The following CCSER1 variants were observed in gnomAD, a reference collection of about 807,000 sequenced individuals.
The protein encoded by CCSER1 is coiled-coil serine rich protein 1.
A neutral mutation model predicts 82.0 loss-of-function variants in CCSER1; 41 were observed. The ratio of observed to expected loss-of-function variants is 0.50; its 90% CI spans 0.39 to 0.65. The LOEUF (loss-of-function observed/expected upper bound fraction) is 0.65, where lower values mean the gene tolerates loss of function less well. Ranked by LOEUF, CCSER1 falls within the 30% of genes least tolerant of loss-of-function variation. CCSER1 has a pLI of 0.00. For missense variants in CCSER1, 1,119 were observed against 1,064.2 expected, an observed-to-expected ratio of 1.05 and a Z score of -0.72; for synonymous variants, 414 against 383.9, an observed-to-expected ratio of 1.08 and a Z score of -0.92.
chr4:90,529,473 G>A (rs1023091621), intron 5 of CCSER1, among the ~76,000 whole-genome samples: 6 of 152,052 alleles, frequency 3.9e-5, no homozygotes, highest in Non-Finnish European at 7.4e-5. Flanking sequence ...CAAGTGATCT[G>A]CCTGCCTTGG....
At chr4:90,646,810 A>G (rs1214922138) in intron 6 of CCSER1, among the ~76,000 whole-genome samples, 1 of 152,080 alleles carries the variant, frequency 6.6e-6, no homozygotes, top group African/African-American at 2.4e-5. Flanking sequence ...GATATTCTAT[A>G]TCTTCTTACT....
intron 1 of CCSER1, among the ~76,000 whole-genome samples, chr4:90,233,573 T>C (rs1275683297): frequency 1.3e-5 from 2 of 151,694 alleles, no homozygotes; most frequent in Non-Finnish European, 2.9e-5. Flanking sequence ...TGTATACATA[T>C]GTAACTAACC....
intron 5 of CCSER1, among the ~76,000 whole-genome samples, chr4:90,589,586 T>A (rs750687380): frequency 3.9e-5 from 6 of 152,170 alleles, no homozygotes; most frequent in Non-Finnish European, 8.8e-5. Context: ...TACATATTAC[T>A]ATTTTGTAAT....
chr4:90,227,858 G>A (rs1429858252), intron 1 of CCSER1, among the ~76,000 whole-genome samples: 6 of 152,218 alleles, frequency 3.9e-5, no homozygotes, highest in African/African-American at 1.4e-4. Flanking sequence ...AGAAAGGGGT[G>A]ACAGATGGCA....
At chr4:90,382,451 A>C (rs1456895472) in intron 3 of CCSER1, among the ~76,000 whole-genome samples, 1 of 152,106 alleles carries the variant, frequency 6.6e-6, no homozygotes, top group African/African-American at 2.4e-5. Context: ...ATTCCTCTTG[A>C]TAATAAAATA....
chr4:91,377,738 A>G (rs904883478), intron 10 of CCSER1, among the ~76,000 whole-genome samples: 1 of 152,096 alleles, frequency 6.6e-6, no homozygotes, highest in African/African-American at 2.4e-5. Context: ...TGCTGTGCAG[A>G]AGCTCTTTAG....
At position 90,984,225 on chromosome 4, in the gene CCSER1, G is replaced by C. The variant is rs532475248; in HGVS notation, c.2172+60778G>C. On this transcript the variant is annotated intron_variant, in intron 9 of 10. Transcript: ENST00000509176. ...TCCTTAAAGGTGCGTTGTTGAGAAA[G>C]TGCAATGTACCGAGTACTGTGTTAA... is the stretch of plus-strand genomic sequence containing the variant. Among the ~76,000 whole-genome samples, 84 of 151,910 alleles carry C rather than the reference G, an allele frequency of 5.5e-4. No individual in the cohort carries two copies. The South Asian group carries it at 0.017, about 30-fold the overall frequency.
At chr4:91,458,579 G>T (rs1466380196) in intron 10 of CCSER1, among the ~76,000 whole-genome samples, 1 of 152,076 alleles carries the variant, frequency 6.6e-6, no homozygotes, top group African/African-American at 2.4e-5. Context: ...ATTTTGATAA[G>T]AGTTGTACTG....
At chr4:91,067,154 A>G (rs997503132) in intron 9 of CCSER1, among the ~76,000 whole-genome samples, 4 of 150,826 alleles carry the variant, frequency 2.7e-5, no homozygotes, top group Non-Finnish European at 5.9e-5. Context: ...ACAGAGCCAG[A>G]CAACGTCTCA....
At chr4:91,205,349 A>G (rs543932507) in intron 10 of CCSER1, among the ~76,000 whole-genome samples, 2 of 151,950 alleles carry the variant, frequency 1.3e-5, no homozygotes, top group African/African-American at 4.8e-5. Context: ...AATAAGTATC[A>G]GTTTCTTTGA....
At chr4:90,609,911 T>A (rs1283231057) in intron 5 of CCSER1, among the ~76,000 whole-genome samples, 1 of 152,168 alleles carries the variant, frequency 6.6e-6, no homozygotes, top group African/African-American at 2.4e-5. Flanking sequence ...ATTACTGTAA[T>A]TTGGATTACA....
chr4:90,703,614 C>T (rs1460271083), intron 6 of CCSER1, among the ~76,000 whole-genome samples: 1 of 152,118 alleles, frequency 6.6e-6, no homozygotes, highest in East Asian at 1.9e-4. Flanking sequence ...GTCTAAGTCT[C>T]TTTGTAGGTC....
At position 91,327,357 on chromosome 4, in the gene CCSER1, C is replaced by A. The variant is rs529204267; in HGVS notation, c.2217+241363C>A. Reference sequence around the variant, plus strand: ...AAGCCACCAAGGCTTGGGGCTTACACCCTTTCAAGCAATGGTTGGAGCTGC... The same window carrying A: ...AAGCCACCAAGGCTTGGGGCTTACAACCTTTCAAGCAATGGTTGGAGCTGC... On this transcript the variant is annotated intron_variant, in intron 10 of 10. Coordinates refer to ENST00000509176, the MANE Select transcript of CCSER1 (RefSeq NM_001145065.2). Among the ~76,000 whole-genome samples, 3 of 152,328 alleles carry A rather than the reference C, an allele frequency of 2.0e-5. No homozygotes were observed. In the South Asian group the frequency reaches 6.2e-4, roughly 32 times the overall value.
intron 9 of CCSER1, among the ~76,000 whole-genome samples, chr4:90,939,707 T>C (rs1731370515): frequency 6.6e-6 from 1 of 152,144 alleles, no homozygotes; most frequent in Non-Finnish European, 1.5e-5. Context: ...ATAAAATTAA[T>C]TAAATTATTT....
chr4:91,446,672 A>ATATATATATATATAT (rs1553938715), intron 10 of CCSER1, among the ~76,000 whole-genome samples: 12 of 72,512 alleles, frequency 1.7e-4, no homozygotes, highest in Middle Eastern at 4.9e-3. Flanking sequence ...ATTTTAAATA[A>ATATATATATATATAT]ATAAATATAT....
rs1468261543 is a variant in CCSER1, at chr4:90,361,102, ATGT to A, written c.1510-38929_1510-38927del. On this transcript the variant is annotated intron_variant, in intron 3 of 10. Transcript: ENST00000509176. The stretch of plus-strand genomic sequence containing the variant: ...GTCTAATTTTCTCAAAATGAATCAA[ATGT>A]TGTTTTCCTAAGAAATGACAATCTA... Among the ~76,000 whole-genome samples, 4 of 152,232 alleles carry A rather than the reference ATGT, an allele frequency of 2.6e-5. No homozygotes were observed. In the East Asian group the frequency reaches 7.7e-4, roughly 29 times the overall value.
chr4:91,152,072 G>A (rs978460399), intron 10 of CCSER1, among the ~76,000 whole-genome samples: 1 of 152,008 alleles, frequency 6.6e-6, no homozygotes, highest in Non-Finnish European at 1.5e-5. Flanking sequence ...TTGACAGTGG[G>A]GTGTTAAAGT....
At chr4:91,055,773 T>G in intron 9 of CCSER1, among the ~76,000 whole-genome samples, 1 of 142,466 alleles carries the variant, frequency 7.0e-6, no homozygotes, top group African/African-American at 2.6e-5. Flanking sequence ...TCTCCCTCTA[T>G]ACCTCTCTCC....
intron 5 of CCSER1, among the ~76,000 whole-genome samples, chr4:90,564,231 A>T (rs1160917546): frequency 7.0e-6 from 1 of 143,232 alleles, no homozygotes; most frequent in Non-Finnish European, 1.5e-5. Flanking sequence ...GCTTATTGTG[A>T]TTTCATAGAG....
Sources: gnomAD v4.1 joint callset for allele counts (sites outside exome capture counted in the v4.1 genomes callset) on GRCh38, gnomAD v4.1.1 for gene constraint, MANE v1.5 for transcripts, NCBI Gene and HGNC (gene_info 2026-07-23, HGNC 2026-07-21) for gene names.